The following RASA1 variants were observed in gnomAD, a reference collection of about 807,000 sequenced individuals.
RASA1 encodes ras GTPase-activating protein 1.
Under a neutral mutation model 132.2 loss-of-function variants are expected in RASA1, and 25 were observed. That is an observed-to-expected ratio of 0.19 (90% CI 0.14 to 0.26). The LOEUF is 0.26. RASA1 is among the 10% of genes least tolerant of loss of function. The pLI is 1.00. For missense variants in RASA1, 964 were observed against 1,299.2 expected (o/e 0.74, Z 3.97); for synonymous variants, 477 against 449.9 (o/e 1.06, Z -0.76).
intron 1 of RASA1, among the ~76,000 whole-genome samples, chr5:87,306,371 A>G (rs568677194): frequency 8.5e-5 from 13 of 152,302 alleles, no homozygotes; most frequent in African/African-American, 2.6e-4. Context: ...GCAGGAAGAG[A>G]AAAGTCAAAT....
At chr5:87,278,532 C>T (rs751458941) in intron 1 of RASA1, among the ~76,000 whole-genome samples, 1 of 151,444 alleles carries the variant, frequency 6.6e-6, no homozygotes, top group African/African-American at 2.4e-5. Flanking sequence ...GGCGACAGAG[C>T]GAGACTCTGT....
intron 9 of RASA1, among the ~76,000 whole-genome samples, chr5:87,362,323 T>C (rs989490206): frequency 6.6e-6 from 1 of 152,196 alleles, no homozygotes; most frequent in Non-Finnish European, 1.5e-5. Context: ...TTAGTTGTTC[T>C]TGGGATTGGC....
intron 2 of RASA1, 24 bp downstream of exon 2, chr5:87,331,524 A>C (rs1757597983): frequency 1.2e-6 from 2 of 1,608,596 alleles, no homozygotes; most frequent in African/African-American, 2.7e-5. Context: ...CCTATTATGA[A>C]GCCAAATGAT....
chr5:87,368,199 C>A (rs1252130606), intron 11 of RASA1, among the ~76,000 whole-genome samples: 3 of 152,004 alleles, frequency 2.0e-5, no homozygotes, highest in Middle Eastern at 3.2e-3. Flanking sequence ...CTGTACCAAC[C>A]TATATATTTT....
intron 16 of RASA1, 88 bp from the exon 17 acceptor site, chr5:87,376,793 C>T: frequency 7.3e-7 from 1 of 1,368,502 alleles, no homozygotes; most frequent in Non-Finnish European, 1.0e-6. Context: ...AATATAAGAA[C>T]TTGTGAAAGA....
intron 19 of RASA1, 144 bp from the exon 20 acceptor site, chr5:87,380,365 C>G (rs890279708): frequency 8.1e-6 from 6 of 745,108 alleles, no homozygotes; most frequent in Non-Finnish European, 1.4e-5. Flanking sequence ...CTAAATGCCT[C>G]ATTACCTGTG....
chr5:87,389,053 A>ATATT (rs1439824400), intron 23 of RASA1, among the ~76,000 whole-genome samples: 1 of 152,172 alleles, frequency 6.6e-6, no homozygotes, highest in Non-Finnish European at 1.5e-5. Flanking sequence ...TTAATACTGA[A>ATATT]TATTATATTT....
intron 21 of RASA1, among the ~76,000 whole-genome samples, chr5:87,384,914 T>A (rs1199828101): frequency 6.6e-6 from 1 of 152,124 alleles, no homozygotes; most frequent in East Asian, 1.9e-4. Context: ...ATTGCTCAGA[T>A]TGCTAACCTG....
chr5:87,294,192 G>C (rs938586511), intron 1 of RASA1: 5 of 152,120 alleles, frequency 3.3e-5, no homozygotes, highest in African/African-American at 1.2e-4. Context: ...TTATTTAAGA[G>C]ACAGGGTCTC....
chr5:87,344,085 G>A (rs1163319649), intron 6 of RASA1, among the ~76,000 whole-genome samples: 2 of 152,034 alleles, frequency 1.3e-5, no homozygotes, highest in East Asian at 1.9e-4. Flanking sequence ...CAGGGAAGGG[G>A]GGATACAATA....
chr5:87,345,907 T>C (rs1264213057), intron 6 of RASA1, among the ~76,000 whole-genome samples: 2 of 152,120 alleles, frequency 1.3e-5, no homozygotes, highest in African/African-American at 4.8e-5. Flanking sequence ...AGATAGATAA[T>C]AGGCCTTTAG....
chr5:87,345,307 G>A (rs1758778166), intron 6 of RASA1, among the ~76,000 whole-genome samples: 1 of 152,154 alleles, frequency 6.6e-6, no homozygotes, highest in Non-Finnish European at 1.5e-5. Flanking sequence ...GTGTGCTTAT[G>A]CTAAATAATC....
chr5:87,290,172 A>G (rs901601771), intron 1 of RASA1, among the ~76,000 whole-genome samples: 1 of 152,172 alleles, frequency 6.6e-6, no homozygotes, highest in African/African-American at 2.4e-5. Flanking sequence ...CCATTTTTAC[A>G]GTGATTTATT....
intron 9 of RASA1, 72 bp from the exon 10 acceptor site, chr5:87,362,479 G>A (rs2112455920): frequency 4.1e-6 from 6 of 1,464,844 alleles, no homozygotes; most frequent in Non-Finnish European, 5.7e-6. Flanking sequence ...CTTTTAATTG[G>A]TACTTTTATA....
chr5:87,378,043 T>G (rs2112494666), intron 17 of RASA1, among the ~76,000 whole-genome samples: 1 of 152,326 alleles, frequency 6.6e-6, no homozygotes, highest in South Asian at 2.1e-4. Context: ...CCCTAAAATT[T>G]CAAAGCATGG....
chr5:87,268,569 G>A lies in RASA1; in HGVS notation c.118G>A (p.Ala40Thr). The change falls in exon 1 of 25, where the codon GCG (alanine) becomes ACG (threonine). Residue 40 changes from alanine (A) to threonine (T), a missense_variant. Physicochemically the swap from Ala to Thr is moderately conservative, Grantham distance 58. This residue lies in a region of RASA1 where 326 missense variants were observed against 275.8 expected (regional missense o/e 1.18). Transcript: ENST00000274376. ...CGCAGTGTGTCGGGTGAAGATACCC[G>A]CGGCCCTGCCTGTGGCAGCCGCCCC... is the stretch of plus-strand genomic sequence containing the variant. Reference protein sequence around the residue: ...YPAVCRVKIPAALPVAAAPYP... With the variant: ...YPAVCRVKIPTALPVAAAPYP... 6.2e-7 allele frequency: 1 copy of A among 1,607,578 alleles called. No individual in the cohort carries two copies. The highest frequency in any genetic ancestry group is 1.1e-5 in the South Asian group (1 of 90,004).
intron 1 of RASA1, among the ~76,000 whole-genome samples, chr5:87,311,036 T>C (rs1755879510): frequency 6.6e-6 from 1 of 152,174 alleles, no homozygotes; most frequent in South Asian, 2.1e-4. Flanking sequence ...TTTTAGTATT[T>C]TGTGGGTTGA....
chr5:87,323,279 C>T (rs1354064113), intron 1 of RASA1, among the ~76,000 whole-genome samples: 2 of 152,072 alleles, frequency 1.3e-5, no homozygotes, highest in Admixed American at 6.5e-5. Flanking sequence ...AGGGAGAAAA[C>T]TAATGCCTTA....
chr5:87,337,715 ATTCAGTGAT>A (rs930638835), intron 4 of RASA1, among the ~76,000 whole-genome samples: 6 of 152,204 alleles, frequency 3.9e-5, no homozygotes, highest in African/African-American at 1.4e-4. Context: ...TCTAACAATA[ATTCAGTGAT>A]ATAGTTAGTG....
Sources: gnomAD v4.1 joint callset for allele counts (sites outside exome capture counted in the v4.1 genomes callset) on GRCh38, gnomAD v4.1.1 for gene constraint, gnomAD v4.1.1 regional missense constraint, MANE v1.5 for transcripts, NCBI Gene and HGNC (gene_info 2026-07-23, HGNC 2026-07-21) for gene names.